Variants in MAP7D2 observed in about 807,000 individuals in gnomAD.
MAP7D2 encodes MAP7 domain containing 2, also known as MAP7 domain-containing protein 2.
MAP7D2 carries 33 observed loss-of-function variants against 63.5 expected under a neutral mutation model. The observed-to-expected ratio is 0.52, with a 90% CI of 0.39 to 0.70. MAP7D2 has a LOEUF of 0.70. Among genes scored for constraint, MAP7D2 ranks in the 30% least tolerant of loss-of-function variants. The pLI is 0.00. For missense variants in MAP7D2, 626 were observed against 604.0 expected (o/e 1.04, Z -0.38); for synonymous variants, 224 against 223.7 (o/e 1.00, Z -0.01).
At chrX:20,112,966 C>A (rs927161041) in intron 1 of MAP7D2, among the ~76,000 whole-genome samples, 2 of 111,889 alleles carry the variant, frequency 1.8e-5, no homozygotes, top group Non-Finnish European at 3.8e-5. Flanking sequence ...AGATGGGGCA[C>A]CTGAGAGGAA....
intron 1 of MAP7D2, among the ~76,000 whole-genome samples, chrX:20,094,536 A>ATGTG (rs1843098212): frequency 2.1e-4 from 2 of 9,527 alleles, no homozygotes; most frequent in Admixed American, 2.3e-3. Context: ...ATATATATAT[A>ATGTG]TATATGTATA....
chrX:20,033,471 T>C (rs767525509), intron 8 of MAP7D2, among the ~76,000 whole-genome samples: 2 of 112,281 alleles, frequency 1.8e-5, no homozygotes, highest in East Asian at 2.8e-4. Context: ...GCTCCATCTA[T>C]GTCTTTCAGA....
At chrX:20,087,006 A>G (rs926902529) in intron 1 of MAP7D2, among the ~76,000 whole-genome samples, 1 of 112,049 alleles carries the variant, frequency 8.9e-6, no homozygotes, top group Non-Finnish European at 1.9e-5. Flanking sequence ...TGAGACATTA[A>G]GACACTTTCC....
chrX:20,043,090 G>A (rs757251861), intron 7 of MAP7D2, among the ~76,000 whole-genome samples: 1 of 110,962 alleles, frequency 9.0e-6, no homozygotes, highest in Non-Finnish European at 1.9e-5. Flanking sequence ...GAAGGGAACA[G>A]ACATCAGTGC....
chrX:20,082,305 C>T (rs757374199), intron 1 of MAP7D2, among the ~76,000 whole-genome samples: 155 of 112,564 alleles, frequency 1.4e-3, no homozygotes, highest in Non-Finnish European at 2.6e-3. Context: ...GTGGGAGCAT[C>T]GTTTGAGGCC....
intron 6 of MAP7D2, among the ~76,000 whole-genome samples, chrX:20,049,657 T>G (rs1350466480): frequency 8.9e-6 from 1 of 112,003 alleles, no homozygotes; most frequent in African/African-American, 3.2e-5. Context: ...TGAATAAGTT[T>G]TTGTGCAAAC....
At chrX:20,064,611 T>G in intron 2 of MAP7D2, 117 bp downstream of exon 2, 1 of 565,946 alleles carries the variant, frequency 1.8e-6, no homozygotes, top group Non-Finnish European at 3.0e-6. Context: ...TGATTCTTCA[T>G]GTTCATCTAG....
At chrX:20,031,289 C>T (rs1383780289) in intron 8 of MAP7D2, among the ~76,000 whole-genome samples, 2 of 81,816 alleles carry the variant, frequency 2.4e-5, no homozygotes, top group Non-Finnish European at 4.8e-5. Context: ...GTCACCATCT[C>T]GAAAAATAAA....
At chrX:20,066,726 T>C (rs1255287171) in intron 1 of MAP7D2, among the ~76,000 whole-genome samples, 1 of 111,519 alleles carries the variant, frequency 9.0e-6, no homozygotes, top group East Asian at 2.8e-4. Context: ...CTGCTCCATC[T>C]GTTTAAACCC....
chrX:20,058,767 C>A (rs1320189805), intron 3 of MAP7D2, among the ~76,000 whole-genome samples: 1 of 111,988 alleles, frequency 8.9e-6, no homozygotes, highest in Non-Finnish European at 1.9e-5. Flanking sequence ...AGATGATAAG[C>A]AAGTTCTAAG....
chrX:20,075,242 A>G (rs752208631), intron 1 of MAP7D2, among the ~76,000 whole-genome samples: 1 of 111,635 alleles, frequency 9.0e-6, no homozygotes, highest in Non-Finnish European at 1.9e-5. Context: ...AGACTGCTCC[A>G]TCTCTCTCTC....
chrX:20,073,822 G>A (rs1404213646), intron 1 of MAP7D2, among the ~76,000 whole-genome samples: 1 of 98,384 alleles, frequency 1.0e-5, no homozygotes, highest in African/African-American at 3.6e-5. Context: ...CACTGCACCC[G>A]GCCCATTTCT....
rs756791050 is a variant in MAP7D2, at chrX:20,055,814, G to C, written c.484+866C>G. On this transcript the variant is annotated intron_variant, in intron 4 of 16. Coordinates refer to ENST00000379643, the MANE Select transcript of MAP7D2 (RefSeq NM_001168465.2). Reference sequence around the variant, plus strand: ...GGCTGCTAAACCTAGAGGAGGGGGTGGGGTATTTTCTGATTCACCTACACA... The same window carrying C: ...GGCTGCTAAACCTAGAGGAGGGGGTCGGGTATTTTCTGATTCACCTACACA... 26 of 987,646 alleles carry C rather than the reference G, an allele frequency of 2.6e-5. No homozygotes were observed. The South Asian group carries it at 3.8e-4, about 14-fold the overall frequency. The allele number at this position is 987,646 out of a possible 1,213,427, so 81.4% of individuals were successfully genotyped here.
chrX:20,093,383 G>A (rs896180021), intron 1 of MAP7D2, among the ~76,000 whole-genome samples: 5 of 112,134 alleles, frequency 4.5e-5, no homozygotes, highest in South Asian at 3.7e-4. Context: ...TAGCCTGGGC[G>A]CGGTGGCTCA....
intron 6 of MAP7D2, among the ~76,000 whole-genome samples, chrX:20,047,074 A>G (rs2064817157): frequency 8.9e-6 from 1 of 112,572 alleles, no homozygotes; most frequent in Non-Finnish European, 1.9e-5. Context: ...CAGTTCCTAC[A>G]TGTCCCCACA....
intron 1 of MAP7D2, among the ~76,000 whole-genome samples, chrX:20,065,970 C>T (rs1290309700): frequency 4.8e-5 from 5 of 105,161 alleles, no homozygotes; most frequent in African/African-American, 1.4e-4. Context: ...GGCCGGACTG[C>T]GGACTGCAGT....
Position 20,056,755 on chromosome X carries a change from G to A in MAP7D2, c.409C>T (p.Arg137Cys), listed in dbSNP as rs1569092991. 8.3e-7 allele frequency: 1 copy of A among 1,211,435 alleles called. No individual in the cohort carries two copies. Among genetic ancestry groups the A allele is most frequent in the Non-Finnish European group, 1.1e-6 (1 of 895,411 alleles). The stretch of plus-strand genomic sequence containing the variant: ...TTTTTCAGCTCCAGCTGCTGTGTGC[G>A]CTCCAGGGACCGGCGCATCATCGCC... ...LEAMMRRSLE[R>C]TQQLELKKKY... The change falls in exon 4 of 17, where the codon CGC becomes TGC. Residue 137 changes from arginine to cysteine, a missense_variant. Physicochemically the swap from Arg to Cys is radical, Grantham distance 180 (BLOSUM62 -3). Coordinates refer to ENST00000379643, the MANE Select transcript of MAP7D2 (RefSeq NM_001168465.2).
chrX:20,063,312 G>T, intron 3 of MAP7D2, 102 bp downstream of exon 3: 1 of 922,716 alleles, frequency 1.1e-6, no homozygotes, highest in South Asian at 2.5e-5. Flanking sequence ...GAAGGTGCAC[G>T]GCAGGTCTCT....
chrX:20,050,998 A>T (rs1474965057), intron 5 of MAP7D2, 52 bp from the exon 6 acceptor site: 1 of 1,030,180 alleles, frequency 9.7e-7, no homozygotes, highest in Non-Finnish European at 1.3e-6. Flanking sequence ...AAAACAAAAC[A>T]AAATAAAACA....
Sources: allele counts gnomAD v4.1 joint callset (sites outside exome capture counted in the v4.1 genomes callset), GRCh38; gene constraint gnomAD v4.1.1; transcripts MANE v1.5; gene names NCBI Gene and HGNC (gene_info 2026-07-23, HGNC 2026-07-21).